LPCAT1: variants seen among roughly 807,000 people sequenced by gnomAD.
The protein encoded by LPCAT1 is 1-acylglycerol-3-phosphate O-acyltransferase.
In LPCAT1, 23 loss-of-function variants were observed where a neutral mutation model predicts 60.9. That is an observed-to-expected ratio of 0.38 (90% CI 0.27 to 0.53). The LOEUF is 0.53. Among genes scored for constraint, LPCAT1 ranks in the 20% least tolerant of loss-of-function variants. The pLI is 0.82. For synonymous variants in LPCAT1, 340 were observed against 301.1 expected, an observed-to-expected ratio of 1.13 and a Z score of -1.34; for missense variants, 622 against 723.6, an observed-to-expected ratio of 0.86 and a Z score of 1.61.
At chr5:1,499,141 C>T (rs1735915044) in intron 2 of LPCAT1, among the ~76,000 whole-genome samples, 1 of 152,202 alleles carries the variant, frequency 6.6e-6, no homozygotes. Flanking sequence ...CCATTTATCG[C>T]CTGTTGAAGC....
Position 1,521,279 on chromosome 5 carries a change from G to A in LPCAT1, c.135+2431C>T, listed in dbSNP as rs1207779356. 14 of 963,488 alleles carry A rather than the reference G, an allele frequency of 1.5e-5. No homozygotes were observed. The highest frequency in any genetic ancestry group is 4.8e-5 in the South Asian group (1 of 20,854). 59.7% of individuals were successfully genotyped at this position (963,488 alleles called of 1,614,324 possible). A position where few individuals can be genotyped will look rare whatever the true frequency, so the allele number is the denominator to read the frequency against. On this transcript the variant is annotated intron_variant, in intron 1 of 13. Coordinates refer to ENST00000283415, the MANE Select transcript of LPCAT1 (RefSeq NM_024830.5). This position sits in a 1 kb window ranked among gnomAD's most constrained non-coding sequence, Gnocchi z 4.3. ...GGAGGAGGAGGTGTCCCCGCATGGC[G>A]CTAATCCGAAGACACACAGCAGCCC...
At chr5:1,468,557 T>A (rs1734534800) in intron 12 of LPCAT1, among the ~76,000 whole-genome samples, 1 of 151,438 alleles carries the variant, frequency 6.6e-6, no homozygotes, top group Non-Finnish European at 1.5e-5. Flanking sequence ...GTGTAGATGC[T>A]GCACGGGAAA....
intron 13 of LPCAT1, among the ~76,000 whole-genome samples, chr5:1,464,716 C>G (rs1734261964): frequency 1.4e-5 from 2 of 143,516 alleles, no homozygotes; most frequent in Non-Finnish European, 1.5e-5. Flanking sequence ...AAAGAGCACA[C>G]ACGGTAAACA....
At chr5:1,464,039 C>G (rs548338145) in intron 13 of LPCAT1, among the ~76,000 whole-genome samples, 1 of 152,310 alleles carries the variant, frequency 6.6e-6, no homozygotes, top group East Asian at 1.9e-4. Context: ...CCCTGACAAC[C>G]GGGGCAGGCT....
intron 1 of LPCAT1, among the ~76,000 whole-genome samples, chr5:1,513,442 G>A (rs1736414720): frequency 6.6e-6 from 1 of 152,214 alleles, no homozygotes; most frequent in Non-Finnish European, 1.5e-5. Context: ...GCTCACGGCA[G>A]GTGCTCGCAA....
chr5:1,465,877 GCA>G (rs1734373798), intron 13 of LPCAT1, among the ~76,000 whole-genome samples: 1 of 141,910 alleles, frequency 7.0e-6, no homozygotes, highest in Non-Finnish European at 1.6e-5. Context: ...TGAAACAAAC[GCA>G]CACAGGCGCA....
rs377578537 is a variant in LPCAT1 at position 1,474,614 on chromosome 5, C to T, written c.971G>A (p.Arg324His). The change falls in exon 10 of 14, where the codon CGT (arginine) becomes CAT (histidine). Residue 324 changes from arginine to histidine, a missense_variant. Coordinates refer to ENST00000283415, the MANE Select transcript of LPCAT1 (RefSeq NM_024830.5). ...TAAAAGGCAAGTGTCAGCGGGGAGA[C>T]GGAGCTGTCCTTCCGCCAGGGCCAG... ...CQLALAEGQL[R>H]LPADTCLLEF... 48 of 1,613,902 alleles carry T rather than the reference C, an allele frequency of 3.0e-5. No individual in the cohort carries two copies. Among genetic ancestry groups the T allele is most frequent in the South Asian group, 4.4e-5 (4 of 91,052 alleles).
intron 10 of LPCAT1, 100 bp downstream of exon 10, chr5:1,474,460 A>G: frequency 2.2e-6 from 3 of 1,368,000 alleles, no homozygotes; most frequent in Non-Finnish European, 3.0e-6. Flanking sequence ...ATTAATAATT[A>G]TCTCCTCAGT....
chr5:1,474,116 C>A lies in LPCAT1; in HGVS notation c.1026-6G>T, dbSNP rs759902435. On this transcript the variant is annotated splice_region_variant and splice_polypyrimidine_tract_variant and intron_variant, in intron 10 of 13. Transcript: ENST00000283415. ...CAAGCTTTTCTGGTTTTAGCCTAGA[C>A]AAAAAAAGAGGGAAAGCTTTCTTTT... The A allele has an allele frequency of 1.9e-6, 3 of 1,601,804 alleles. No homozygotes were observed. Among genetic ancestry groups the A allele is most frequent in the Non-Finnish European group, 2.6e-6 (3 of 1,174,832 alleles).
chr5:1,494,030 G>T (rs1031458921), intron 3 of LPCAT1, among the ~76,000 whole-genome samples: 6 of 152,238 alleles, frequency 3.9e-5, no homozygotes, highest in Non-Finnish European at 8.8e-5. Flanking sequence ...AGGGCCTTCG[G>T]CCCAGAGACG....
rs201807269 is a variant in LPCAT1, at chr5:1,474,573, C to T, written c.1012G>A (p.Val338Met). The stretch of plus-strand genomic sequence containing the variant: ...CCAGGTACTCACCCGAGGCCCCGCA[C>T]GAGCCTGGCAAATTCTAAAAGGCAA... ...DTCLLEFARL[V>M]RGLGLKPEKL... is the part of the protein sequence containing the mutation. The change falls in exon 10 of 14, where the codon GTG becomes ATG. Residue 338 changes from valine (V) to methionine (M), a missense_variant. By Grantham distance (21) the Val-to-Met change is conservative. This residue lies in a region of LPCAT1 where 288 missense variants were observed against 283.6 expected (regional missense o/e 1.02). Transcript: ENST00000283415. The T allele has an allele frequency of 3.0e-5, 48 of 1,613,942 alleles. No homozygotes were observed. The highest frequency in any genetic ancestry group is 1.2e-4 in the South Asian group (11 of 91,076).
rs1391226542 is a variant in LPCAT1 at position 1,502,219 on chromosome 5, C to G, written c.136-616G>C. On this transcript the variant is annotated intron_variant, in intron 1 of 13. Transcript: ENST00000283415. The surrounding 1 kb of genome is among the most constrained non-coding windows in gnomAD (Gnocchi z 5.5). Reference sequence around the variant, plus strand: ...CCACTCTGACGCACAGCACACAACCCCAGGCAGCTCCACCCCGCAGGACGC... The same window carrying G: ...CCACTCTGACGCACAGCACACAACCGCAGGCAGCTCCACCCCGCAGGACGC... Among the ~76,000 whole-genome samples, 2 of 152,162 alleles carry G rather than the reference C, an allele frequency of 1.3e-5. No homozygotes were observed. The highest frequency in any genetic ancestry group is 1.5e-5 in the Non-Finnish European group (1 of 68,018).
At position 1,495,605 on chromosome 5, in the gene LPCAT1, T is replaced by A. The variant is rs980490189; in HGVS notation, c.279-691A>T. ...TTCTCTTTCATATGAGGCTACAGAT[T>A]AGGCTGTTATTCCACACCTCAGGGA... On this transcript the variant is annotated intron_variant, in intron 2 of 13. Coordinates refer to ENST00000283415, the MANE Select transcript of LPCAT1 (RefSeq NM_024830.5). The surrounding 1 kb of genome is among the most constrained non-coding windows in gnomAD (Gnocchi z 4.7). Among the ~76,000 whole-genome samples, 3 of 152,214 alleles carry A rather than the reference T, an allele frequency of 2.0e-5. No homozygotes were observed. The East Asian group carries it at 5.8e-4, about 29-fold the overall frequency.
rs751015911 is a variant in LPCAT1, at chr5:1,474,677, C to T, written c.908G>A (p.Gly303Asp). Reference protein sequence around the residue: ...NVRRVMAEALGVSVTDYTFED... With the variant: ...NVRRVMAEALDVSVTDYTFED... ...GAACGTGTAGTCAGTCACGGAGACACCCAAGGCCCTACAAGGAGGGCAGCA... is the reference window on the plus strand; with the variant it reads ...GAACGTGTAGTCAGTCACGGAGACATCCAAGGCCCTACAAGGAGGGCAGCA... The change falls in exon 10 of 14, where the codon GGT becomes GAT. Residue 303 changes from glycine (G) to aspartate (D), a missense_variant. Gly to Asp is a moderately conservative substitution (Grantham distance 94). Coordinates refer to ENST00000283415, the MANE Select transcript of LPCAT1 (RefSeq NM_024830.5). 3.1e-6 allele frequency: 5 copies of T among 1,613,348 alleles called. No individual in the cohort carries two copies. Among genetic ancestry groups the T allele is most frequent in the African/African-American group, 1.3e-5 (1 of 74,912 alleles).
rs139885091 is a variant in LPCAT1 at position 1,481,020 on chromosome 5, CAGGGCCTGCACCA to C, written c.727-57_727-45del. ...GGTCAGTCAGCATGGGGCCTGCACC[CAGGGCCTGCACCA>C]AGCACCTGCGTGTGCCGGCCTCTCC... is the stretch of plus-strand genomic sequence containing the variant. On this transcript the variant is annotated intron_variant, in intron 6 of 13. Transcript: ENST00000283415. This position sits in a 1 kb window ranked among gnomAD's most constrained non-coding sequence, Gnocchi z 7.8. 0.19 allele frequency: 305,813 copies of C among 1,609,876 alleles called. 31,120 individuals are homozygous for C. The highest frequency in any genetic ancestry group is 0.4 in the East Asian group (17,898 of 44,798).
At chr5:1,467,927 C>T (rs1261967647) in intron 12 of LPCAT1, among the ~76,000 whole-genome samples, 1 of 152,142 alleles carries the variant, frequency 6.6e-6, no homozygotes, top group Non-Finnish European at 1.5e-5. Context: ...GGCCGTCGCC[C>T]TGACTCCGAG....
At chr5:1,469,248 T>A (rs1465214682) in intron 12 of LPCAT1, among the ~76,000 whole-genome samples, 2 of 151,996 alleles carry the variant, frequency 1.3e-5, no homozygotes, top group Non-Finnish European at 2.9e-5. Flanking sequence ...GAGAAAGACC[T>A]CCTAGTGGCA....
chr5:1,523,575 G>A lies in LPCAT1; in HGVS notation c.135+135C>T, dbSNP rs1219864896. 2.0e-6 allele frequency: 1 copy of A among 512,690 alleles called. No homozygotes were observed. Among genetic ancestry groups the A allele is most frequent in the Non-Finnish European group, 2.5e-6 (1 of 395,096 alleles). The allele number at this position is 512,690 out of a possible 1,614,324, so 31.8% of individuals were successfully genotyped here. Reference sequence around the variant, plus strand: ...GCGAACTGAGGGGCGGCCGCGGGGAGGGAAGGCGCCGCGGCTCGCAGGGCC... The same window carrying A: ...GCGAACTGAGGGGCGGCCGCGGGGAAGGAAGGCGCCGCGGCTCGCAGGGCC... On this transcript the variant is annotated intron_variant, in intron 1 of 13. Coordinates refer to ENST00000283415, the MANE Select transcript of LPCAT1 (RefSeq NM_024830.5). This position sits in a 1 kb window ranked among gnomAD's most constrained non-coding sequence, Gnocchi z 7.1.
rs116532115 is a variant in LPCAT1, at chr5:1,509,030, G to A, written c.136-7427C>T. Among the ~76,000 whole-genome samples, 1,457 of 152,362 alleles carry A rather than the reference G, an allele frequency of 9.6e-3. 16 individuals are homozygous for A. Among genetic ancestry groups the A allele is most frequent in the South Asian group, 0.048 (233 of 4,830 alleles). ...GGTGCTGCGGTGAGGCCCACCAGGC[G>A]CAGGGATGCTGCGGCCCCTCCGAGC... is the stretch of plus-strand genomic sequence containing the variant. On this transcript the variant is annotated intron_variant, in intron 1 of 13. Coordinates refer to ENST00000283415, the MANE Select transcript of LPCAT1 (RefSeq NM_024830.5).
Sources: allele counts gnomAD v4.1 joint callset (sites outside exome capture counted in the v4.1 genomes callset), GRCh38; gene constraint gnomAD v4.1.1; regional missense constraint gnomAD v4.1.1; non-coding constraint Gnocchi (gnomAD v3.1); transcripts MANE v1.5; gene names NCBI Gene and HGNC (gene_info 2026-07-23, HGNC 2026-07-21).